The following IGFL2 variants were observed in gnomAD, a reference collection of about 807,000 sequenced individuals.
IGFL2 encodes IGF like family member 2, also known as insulin growth factor-like family member 2.
A neutral mutation model predicts 13.9 loss-of-function variants in IGFL2; 7 were observed. That is an observed-to-expected ratio of 0.51 (90% CI 0.29 to 0.95). IGFL2 has a LOEUF of 0.95. Among genes scored for constraint, IGFL2 ranks in the 40% least tolerant of loss-of-function variants. The pLI, the probability that IGFL2 is intolerant of heterozygous loss-of-function variation, is 0.08. For missense variants in IGFL2, 138 were observed against 147.8 expected (o/e 0.93, Z 0.34); for synonymous variants, 55 against 55.8 (o/e 0.99, Z 0.07).
the IGFL2 span, among the ~76,000 whole-genome samples, chr19:46,175,806 G>A: frequency 6.7e-6 from 1 of 149,334 alleles, no homozygotes; most frequent in Non-Finnish European, 1.5e-5. Flanking sequence ...CTCCCAAAGT[G>A]CTGGGATTAC....
At chr19:46,087,335 G>A in the IGFL2 span, among the ~76,000 whole-genome samples, 2 of 152,166 alleles carry the variant, frequency 1.3e-5, no homozygotes, top group African/African-American at 4.8e-5. Context: ...GGTGGTAGTG[G>A]CAGGCTGGTT....
chr19:46,160,261 G>C, intron 1 of IGFL2, 154 bp from the exon 2 acceptor site: 1 of 659,220 alleles, frequency 1.5e-6, no homozygotes, highest in Non-Finnish European at 2.7e-6. Flanking sequence ...ACTCTTAACT[G>C]TGTCAGTTAG....
chr19:46,110,621 A>G, the IGFL2 span, among the ~76,000 whole-genome samples: 1 of 152,340 alleles, frequency 6.6e-6, no homozygotes, highest in African/African-American at 2.4e-5. Context: ...ATCCATAAAA[A>G]TACAACTTTT....
At chr19:46,197,213 C>T in the IGFL2 span, 6 of 209,788 alleles carry the variant, frequency 2.9e-5, no homozygotes, top group African/African-American at 9.3e-5. Context: ...AGTCCCCCAG[C>T]GTCCCTCATG....
chr19:46,156,875 C>A (rs1055553780), intron 1 of IGFL2, among the ~76,000 whole-genome samples: 2 of 152,176 alleles, frequency 1.3e-5, no homozygotes, highest in African/African-American at 2.4e-5. Flanking sequence ...GATCAATAAT[C>A]TTTTGATAGT....
chr19:46,124,580 C>A, the IGFL2 span: 1 of 1,566,614 alleles, frequency 6.4e-7, no homozygotes, highest in Non-Finnish European at 8.8e-7. Flanking sequence ...GGGAGCTGCA[C>A]TGGGAATGAG....
At chr19:46,153,838 T>C (rs1973652348) in intron 1 of IGFL2, among the ~76,000 whole-genome samples, 1 of 135,472 alleles carries the variant, frequency 7.4e-6, no homozygotes, top group Non-Finnish European at 1.6e-5. Flanking sequence ...TATATATATA[T>C]ATTTTTTTTA....
upstream of IGFL2, among the ~76,000 whole-genome samples, chr19:46,145,602 G>A (rs921655934): frequency 4.7e-4 from 23 of 48,908 alleles, no homozygotes; most frequent in South Asian, 7.9e-4. Flanking sequence ...TCATATATAT[G>A]TGTGTGTGTG....
chr19:46,084,786 C>T, the IGFL2 span, among the ~76,000 whole-genome samples: 1 of 152,156 alleles, frequency 6.6e-6, no homozygotes, highest in Admixed American at 6.5e-5. Context: ...CCACTGGTGC[C>T]CCCTCCAACA....
the IGFL2 span, among the ~76,000 whole-genome samples, chr19:46,104,400 C>G: frequency 0.013 from 2,012 of 152,232 alleles, 30 homozygotes; most frequent in Middle Eastern, 0.027. Context: ...GGGTATGAAG[C>G]TTCCACTGAA....
the IGFL2 span, among the ~76,000 whole-genome samples, chr19:46,170,754 T>C: frequency 0.91 from 138,033 of 152,196 alleles, 63,251 homozygotes; most frequent in African/African-American, 0.96. Context: ...GGATGAAACA[T>C]GCTCTGGCCT....
At chr19:46,150,497 T>A (rs866465649) in intron 1 of IGFL2, among the ~76,000 whole-genome samples, 11 of 152,336 alleles carry the variant, frequency 7.2e-5, no homozygotes, top group Middle Eastern at 3.4e-3. Flanking sequence ...TTTTAAGAAG[T>A]TGACAAAGAA....
At chr19:46,085,168 G>A in the IGFL2 span, among the ~76,000 whole-genome samples, 1 of 152,178 alleles carries the variant, frequency 6.6e-6, no homozygotes, top group Non-Finnish European at 1.5e-5. Flanking sequence ...AGCTCCTGCA[G>A]TGAGCCGAGA....
At chr19:46,207,874 G>A in the IGFL2 span, 2 of 152,346 alleles carry the variant, frequency 1.3e-5, no homozygotes, top group South Asian at 4.2e-4. Flanking sequence ...GACTCTCTTT[G>A]CTCTGCCAAA....
chr19:46,166,723 C>G, the IGFL2 span, among the ~76,000 whole-genome samples: 1 of 152,142 alleles, frequency 6.6e-6, no homozygotes, highest in African/African-American at 2.4e-5. Flanking sequence ...TGCGCATTCT[C>G]TTTCTCAGGG....
the IGFL2 span, among the ~76,000 whole-genome samples, chr19:46,134,878 A>T: frequency 6.6e-6 from 1 of 152,154 alleles, no homozygotes. Context: ...TAGGGGTGAG[A>T]TGAAGCCAAG....
At chr19:46,080,889 A>G in the IGFL2 span, among the ~76,000 whole-genome samples, 2 of 152,248 alleles carry the variant, frequency 1.3e-5, no homozygotes, top group African/African-American at 4.8e-5. Context: ...CTGTGCTTTC[A>G]GGACTGTGTC....
chr19:46,117,342 C>G, the IGFL2 span, among the ~76,000 whole-genome samples: 1 of 152,142 alleles, frequency 6.6e-6, no homozygotes, highest in African/African-American at 2.4e-5. Flanking sequence ...ACTTCTGCCT[C>G]TCAAAGTGCT....
At chr19:46,080,355 G>C in the IGFL2 span, among the ~76,000 whole-genome samples, 149 of 152,084 alleles carry the variant, frequency 9.8e-4, 1 homozygote, top group African/African-American at 3.5e-3. Flanking sequence ...TCAACATAGC[G>C]AGTCAACTTA....
Sources: allele counts gnomAD v4.1 joint callset (sites outside exome capture counted in the v4.1 genomes callset), GRCh38; gene constraint gnomAD v4.1.1; transcripts MANE v1.5; gene names NCBI Gene and HGNC (gene_info 2026-07-23, HGNC 2026-07-21).